SERPIND1: variants seen among roughly 807,000 people sequenced by gnomAD.
The protein encoded by SERPIND1 is heparin cofactor 2.
SERPIND1 carries 34 observed loss-of-function variants against 35.0 expected under a neutral mutation model. The observed-to-expected ratio is 0.97, with a 90% CI of 0.74 to 1.29. The LOEUF is 1.29. SERPIND1 is among the 50% of genes most tolerant of loss of function. The pLI is 0.00. For missense variants in SERPIND1, 633 were observed against 637.7 expected (o/e 0.99, Z 0.08); for synonymous variants, 236 against 241.1 (o/e 0.98, Z 0.19).
chr22:20,784,858 T>C (rs2147509863), intron 3 of SERPIND1, among the ~76,000 whole-genome samples: 1 of 152,238 alleles, frequency 6.6e-6, no homozygotes. Flanking sequence ...TAGGCCCATA[T>C]GAAGAAGTGA....
intron 3 of SERPIND1, among the ~76,000 whole-genome samples, chr22:20,785,044 A>AGCTCTT (rs1409141565): frequency 6.7e-6 from 1 of 150,250 alleles, no homozygotes; most frequent in Non-Finnish European, 1.5e-5. Flanking sequence ...GCAGCCCGGC[A>AGCTCTT]GCTCTTGAGA....
At chr22:20,783,580 G>A (rs926181105) in intron 2 of SERPIND1, among the ~76,000 whole-genome samples, 4 of 152,084 alleles carry the variant, frequency 2.6e-5, no homozygotes, top group African/African-American at 4.8e-5. Flanking sequence ...TGGCATCGCC[G>A]CACTCCAGCC....
intron 1 of SERPIND1, among the ~76,000 whole-genome samples, chr22:20,778,328 C>T (rs1933465685): frequency 6.6e-6 from 1 of 151,978 alleles, no homozygotes; most frequent in African/African-American, 2.4e-5. Flanking sequence ...GAGCAAAACC[C>T]CATCTCTACT....
chr22:20,784,742 G>A (rs901810782), intron 3 of SERPIND1, among the ~76,000 whole-genome samples: 4 of 152,054 alleles, frequency 2.6e-5, no homozygotes, highest in African/African-American at 7.2e-5. Context: ...ATTATTATTC[G>A]TTACTTTGTA....
chr22:20,775,978 T>C (rs1007801104), intron 1 of SERPIND1, among the ~76,000 whole-genome samples: 6 of 152,146 alleles, frequency 3.9e-5, no homozygotes, highest in Non-Finnish European at 8.8e-5. Context: ...TTACTCAAAG[T>C]GCCATTCAGA....
intron 1 of SERPIND1, among the ~76,000 whole-genome samples, chr22:20,774,793 T>C (rs1403897143): frequency 6.8e-6 from 1 of 146,120 alleles, no homozygotes; most frequent in Non-Finnish European, 1.5e-5. Flanking sequence ...AAAGAAAAAA[T>C]GTTAGAGGAA....
chr22:20,782,668 G>A (rs779746049), intron 2 of SERPIND1, among the ~76,000 whole-genome samples: 3 of 152,156 alleles, frequency 2.0e-5, no homozygotes, highest in Non-Finnish European at 2.9e-5. Flanking sequence ...TTGTCCCCAA[G>A]GTCTGAAGAC....
intron 4 of SERPIND1, 75 bp downstream of exon 4, chr22:20,786,223 C>T (rs887855919): frequency 1.0e-5 from 15 of 1,497,820 alleles, no homozygotes; most frequent in Non-Finnish European, 1.2e-5. Flanking sequence ...ACTTGCCCTT[C>T]CTACCCACCC....
intron 1 of SERPIND1, among the ~76,000 whole-genome samples, chr22:20,777,303 G>A (rs1477907364): frequency 6.6e-6 from 1 of 150,882 alleles, no homozygotes; most frequent in African/African-American, 2.4e-5. Flanking sequence ...CACAACCTCT[G>A]CCTCCTGAAT....
chr22:20,779,935 G>A lies in SERPIND1; in HGVS notation c.623G>A (p.Arg208His), dbSNP rs5907. 1.8e-3 allele frequency: 2,829 copies of A among 1,614,202 alleles called. 4 individuals carry two copies. The highest frequency in any genetic ancestry group is 2.1e-3 in the Non-Finnish European group (2,508 of 1,180,052). ...IHNLFRKLTH[R>H]LFRRNFGYTL... The stretch of plus-strand genomic sequence containing the variant: ...AATCTCTTCCGTAAGCTGACTCATC[G>A]CCTCTTCAGGAGGAATTTTGGGTAC... The change falls in exon 2 of 5, where the codon CGC (arginine) becomes CAC (histidine). Residue 208 changes from arginine (R) to histidine (H), a missense_variant. Physicochemically the swap from Arg to His is conservative, Grantham distance 29. Coordinates refer to ENST00000215727, the MANE Select transcript of SERPIND1 (RefSeq NM_000185.4).
intron 1 of SERPIND1, among the ~76,000 whole-genome samples, chr22:20,778,453 G>T (rs1044733329): frequency 2.0e-5 from 3 of 152,078 alleles, no homozygotes; most frequent in African/African-American, 7.2e-5. Flanking sequence ...GCAGTAAGCC[G>T]AGATCGCGCC....
intron 1 of SERPIND1, among the ~76,000 whole-genome samples, chr22:20,777,448 C>T (rs567622856): frequency 1.3e-5 from 2 of 152,224 alleles, no homozygotes; most frequent in South Asian, 2.1e-4. Context: ...GAACTCCCGA[C>T]CTCAGATGAT....
chr22:20,784,610 C>T (rs1569029824), intron 3 of SERPIND1, among the ~76,000 whole-genome samples: 2 of 152,132 alleles, frequency 1.3e-5, no homozygotes, highest in South Asian at 2.1e-4. Context: ...CGATGCTGAG[C>T]GCCCCTCCCA....
intron 1 of SERPIND1, among the ~76,000 whole-genome samples, chr22:20,777,894 T>C (rs1048838458): frequency 6.6e-6 from 1 of 152,194 alleles, no homozygotes; most frequent in Admixed American, 6.5e-5. Flanking sequence ...AAAGACAGGA[T>C]TGCCATAATG....
In SERPIND1 at chr22:20,779,547, T is replaced by C; in HGVS notation, c.235T>C (p.Tyr79His). ...TCCAGAGGGGGAGGAGGACGACGAC[T>C]ATCTGGACCTGGAGAAGATATTCAG... ...WIPEGEEDDD[Y>H]LDLEKIFSED... Residue 79 changes from tyrosine (Y) to histidine (H), a missense_variant, in exon 2 of 5, where the codon TAT becomes CAT. Coordinates refer to ENST00000215727, the MANE Select transcript of SERPIND1 (RefSeq NM_000185.4). 6.2e-7 allele frequency: 1 copy of C among 1,614,046 alleles called. No homozygotes were observed. Among genetic ancestry groups the C allele is most frequent in the Non-Finnish European group, 8.5e-7 (1 of 1,179,886 alleles).
chr22:20,776,095 G>C (rs1227074204), intron 1 of SERPIND1, among the ~76,000 whole-genome samples: 3 of 152,116 alleles, frequency 2.0e-5, no homozygotes, highest in Admixed American at 2.0e-4. Flanking sequence ...GCCAAGGCAG[G>C]AGAATTGCCT....
At position 20,779,854 on chromosome 22, in the gene SERPIND1, T is replaced by G; in HGVS notation, c.542T>G (p.Leu181Trp). The G allele has an allele frequency of 6.2e-7, 1 of 1,614,246 alleles. No homozygotes were observed. Residue 181 changes from leucine to tryptophan, a missense_variant, in exon 2 of 5, where the codon TTG becomes TGG. Leu to Trp is a moderately conservative substitution (Grantham distance 61, BLOSUM62 -2). Transcript: ENST00000215727. ...GETHEQVHSILHFKDFVNASS... is the reference protein window; with the variant it reads ...GETHEQVHSIWHFKDFVNASS... ...ACCCATGAACAAGTGCACTCGATTT[T>G]GCATTTTAAAGACTTTGTTAATGCC...
At chr22:20,786,494 A>G (rs933633617) in intron 4 of SERPIND1, among the ~76,000 whole-genome samples, 23 of 152,174 alleles carry the variant, frequency 1.5e-4, no homozygotes, top group African/African-American at 4.3e-4. Flanking sequence ...CACTATACAC[A>G]TACTTAACTT....
chr22:20,778,167 G>A (rs1397508166), intron 1 of SERPIND1, among the ~76,000 whole-genome samples: 2 of 152,070 alleles, frequency 1.3e-5, no homozygotes, highest in South Asian at 2.1e-4. Context: ...ACGCCCTGAG[G>A]GGGTCTCAGC....
Sources: allele counts gnomAD v4.1 joint callset (sites outside exome capture counted in the v4.1 genomes callset), GRCh38; gene constraint gnomAD v4.1.1; transcripts MANE v1.5; gene names NCBI Gene and HGNC (gene_info 2026-07-23, HGNC 2026-07-21).